Variants in TFPI observed in about 807,000 individuals in gnomAD.
The protein encoded by TFPI is anti-convertin.
In TFPI, 15 loss-of-function variants were observed where a neutral mutation model predicts 34.6. The observed-to-expected ratio is 0.43, with a 90% confidence interval of 0.29 to 0.67. TFPI has a LOEUF of 0.67. TFPI is among the 30% of genes least tolerant of loss of function. The pLI, the probability that TFPI is intolerant of heterozygous loss-of-function variation, is 0.15. For synonymous variants in TFPI, 105 were observed against 120.1 expected (o/e 0.87, Z 0.82); for missense variants, 301 against 364.0 (o/e 0.83, Z 1.41).
At chr2:187,540,646 T>G (rs780610773) in intron 1 of TFPI, among the ~76,000 whole-genome samples, 16 of 151,948 alleles carry the variant, frequency 1.1e-4, no homozygotes, top group Non-Finnish European at 2.1e-4. Context: ...TCCCAACGCT[T>G]TGGGAGGCCA....
intron 2 of TFPI, among the ~76,000 whole-genome samples, chr2:187,501,471 T>C (rs1206470445): frequency 6.6e-6 from 1 of 152,160 alleles, no homozygotes; most frequent in Non-Finnish European, 1.5e-5. Context: ...TAGACTCTAA[T>C]TAAAGGATTT....
intron 1 of TFPI, among the ~76,000 whole-genome samples, chr2:187,523,472 C>T (rs774354784): frequency 2.6e-5 from 4 of 152,048 alleles, no homozygotes; most frequent in Admixed American, 6.6e-5. Flanking sequence ...TTAGTTCAGC[C>T]CTCCTCCACC....
intron 6 of TFPI, among the ~76,000 whole-genome samples, chr2:187,470,983 A>T (rs1189430046): frequency 6.6e-6 from 1 of 152,208 alleles, no homozygotes; most frequent in African/African-American, 2.4e-5. Flanking sequence ...ATTCAACACA[A>T]CAGAGTTTTG....
At chr2:187,492,146 T>C (rs1296030788) in intron 3 of TFPI, among the ~76,000 whole-genome samples, 1 of 152,208 alleles carries the variant, frequency 6.6e-6, no homozygotes, top group African/African-American at 2.4e-5. Context: ...TTCCTTAGGT[T>C]ATCTGTTCAC....
intron 4 of TFPI, among the ~76,000 whole-genome samples, chr2:187,487,217 CTTT>C (rs1693333024): frequency 6.6e-6 from 1 of 151,236 alleles, no homozygotes; most frequent in Admixed American, 6.6e-5. Context: ...ACAAAAACTT[CTTT>C]ATTATAAATA....
At chr2:187,534,862 G>C (rs1419381996) in intron 1 of TFPI, among the ~76,000 whole-genome samples, 2 of 149,108 alleles carry the variant, frequency 1.3e-5, no homozygotes, top group South Asian at 4.2e-4. Context: ...AAAGTAAAGG[G>C]ATAGAGGAAT....
chr2:187,528,197 C>T (rs1481328783), intron 1 of TFPI, among the ~76,000 whole-genome samples: 2 of 152,030 alleles, frequency 1.3e-5, no homozygotes, highest in Non-Finnish European at 2.9e-5. Context: ...CCTAATTAAC[C>T]TCATCAGAGA....
At chr2:187,482,036 A>G (rs933368073) in intron 6 of TFPI, among the ~76,000 whole-genome samples, 2 of 152,004 alleles carry the variant, frequency 1.3e-5, no homozygotes, top group Non-Finnish European at 2.9e-5. Context: ...ACTTTCTCAC[A>G]CTAATTTTTA....
intron 1 of TFPI, chr2:187,518,262 T>C (rs1019283279): frequency 6.6e-6 from 1 of 152,238 alleles, no homozygotes; most frequent in African/African-American, 2.4e-5. Flanking sequence ...TTGGTATGTT[T>C]TTGCAGTGGC....
Position 187,552,096 on chromosome 2 carries a change from T to G in TFPI, c.-3+2104A>C, listed in dbSNP as rs377629487. On this transcript the variant is annotated intron_variant, in intron 1 of 7. Transcript: ENST00000233156. ...GAAAATCCTAGTCTAAGTAATTTTC[T>G]TCACTTTTCATATTGTCTGTTCCTT... 3.8e-3 allele frequency among the ~76,000 whole-genome samples: 575 copies of G among 152,292 alleles called. 1 individual carries two copies. Among genetic ancestry groups the G allele is most frequent in the Non-Finnish European group, 5.4e-3 (364 of 67,980 alleles).
At chr2:187,518,942 G>T (rs930306081) in intron 1 of TFPI, 2 of 151,962 alleles carry the variant, frequency 1.3e-5, no homozygotes, top group African/African-American at 4.8e-5. Context: ...TTCAGCTATT[G>T]ATACTTGTGT....
intron 1 of TFPI, among the ~76,000 whole-genome samples, chr2:187,520,116 A>G (rs1687278831): frequency 6.6e-6 from 1 of 152,082 alleles, no homozygotes; most frequent in South Asian, 2.1e-4. Context: ...GAGCTAGACC[A>G]CTTGGCTCCC....
intron 1 of TFPI, among the ~76,000 whole-genome samples, chr2:187,546,120 TAAAA>T (rs1173217926): frequency 1.3e-5 from 2 of 151,994 alleles, no homozygotes; most frequent in African/African-American, 4.8e-5. Context: ...CACATTGAAA[TAAAA>T]AAGAAACACA....
chr2:187,503,697 G>A lies in TFPI; in HGVS notation c.72C>T (p.Ala24=). Residue 24 remains alanine, a synonymous_variant, in exon 2 of 8, where the codon GCC becomes GCT. Coordinates refer to ENST00000233156, the MANE Select transcript of TFPI (RefSeq NM_006287.6). The stretch of plus-strand genomic sequence containing the variant: ...CTTCCTCAGAATCAGCATTAAGAGG[G>A]GCAGGGGCAAGATTAAGCAGCAGGC... ...SVCLLLNLAP[A]PLNADSEEDE... is the part of the protein sequence containing the mutation. 1.2e-6 allele frequency: 2 copies of A among 1,613,070 alleles called. No homozygotes were observed. Among genetic ancestry groups the A allele is most frequent in the Middle Eastern group, 1.7e-4 (1 of 6,060 alleles).
chr2:187,508,556 A>G (rs1686389988), intron 1 of TFPI, among the ~76,000 whole-genome samples: 1 of 151,832 alleles, frequency 6.6e-6, no homozygotes, highest in African/African-American at 2.4e-5. Flanking sequence ...TAGGTATTTT[A>G]TTCTCTTTGT....
intron 6 of TFPI, among the ~76,000 whole-genome samples, chr2:187,469,769 A>C (rs1691927323): frequency 6.6e-6 from 1 of 152,126 alleles, no homozygotes; most frequent in Non-Finnish European, 1.5e-5. Flanking sequence ...ATCAAAGTTG[A>C]ATGGTGAGAA....
At chr2:187,492,024 C>T (rs1448913151) in intron 3 of TFPI, among the ~76,000 whole-genome samples, 4 of 151,940 alleles carry the variant, frequency 2.6e-5, no homozygotes, top group Non-Finnish European at 4.4e-5. Context: ...TTTTCATGTC[C>T]TTTGTCCATT....
chr2:187,536,948 AACAG>A (rs755590937), intron 1 of TFPI, among the ~76,000 whole-genome samples: 10 of 103,572 alleles, frequency 9.7e-5, no homozygotes, highest in Non-Finnish European at 1.9e-4. Context: ...ATAACAGACA[AACAG>A]ACAGCCAAAT....
rs1691692619 is a variant in TFPI at position 187,465,736 on chromosome 2, G to A, written c.*1200C>T. 6.6e-6 allele frequency: 1 copy of A among 152,002 alleles called. No homozygotes were observed. The highest frequency in any genetic ancestry group is 6.6e-5 in the Admixed American group (1 of 15,246). 9.4% of individuals were successfully genotyped at this position (152,002 alleles called of 1,614,324 possible). ...AGCTATTCATGAAGCTATTCATGAA[G>A]CTAGTCATGAAGCTAGTCATACCAA... is the stretch of plus-strand genomic sequence containing the variant. On this transcript the variant is annotated 3_prime_UTR_variant, in exon 8 of 8. Transcript: ENST00000233156.
Sources: allele counts gnomAD v4.1 joint callset (sites outside exome capture counted in the v4.1 genomes callset), GRCh38; gene constraint gnomAD v4.1.1; transcripts MANE v1.5; gene names NCBI Gene and HGNC (gene_info 2026-07-23, HGNC 2026-07-21).